TRPC4: variants seen among roughly 807,000 people sequenced by gnomAD.
TRPC4 encodes transient receptor potential cation channel subfamily C member 4.
TRPC4 carries 49 observed loss-of-function variants against 99.4 expected under a neutral mutation model. That is an observed-to-expected ratio of 0.49 (90% CI 0.39 to 0.63). TRPC4 has a LOEUF of 0.63. Among genes scored for constraint, TRPC4 ranks in the 20% least tolerant of loss-of-function variants. The pLI is 0.00. For missense variants in TRPC4, 898 were observed against 1,152.9 expected, an observed-to-expected ratio of 0.78 and a Z score of 3.20; for synonymous variants, 454 against 425.9, an observed-to-expected ratio of 1.07 and a Z score of -0.81.
chr13:37,763,452 AAGAT>A (rs1462453396), intron 2 of TRPC4, among the ~76,000 whole-genome samples: 13 of 151,522 alleles, frequency 8.6e-5, no homozygotes, highest in Admixed American at 2.6e-4. Context: ...TGTTGAAGAA[AAGAT>A]AGATAGAAAA....
chr13:37,705,079 G>T (rs1954224728), intron 3 of TRPC4, among the ~76,000 whole-genome samples: 1 of 152,164 alleles, frequency 6.6e-6, no homozygotes, highest in Non-Finnish European at 1.5e-5. Context: ...GGATAAAGAA[G>T]CTGTGGTATA....
At chr13:37,751,104 C>G (rs1350366762) in intron 2 of TRPC4, among the ~76,000 whole-genome samples, 1 of 151,978 alleles carries the variant, frequency 6.6e-6, no homozygotes, top group African/African-American at 2.4e-5. Flanking sequence ...ACCTGCTAAC[C>G]GGTTCAGGTT....
Position 37,775,822 on chromosome 13 carries a change from G to C in TRPC4, c.378+7134C>G, listed in dbSNP as rs779015732. Among the ~76,000 whole-genome samples, 181 of 151,232 alleles carry C rather than the reference G, an allele frequency of 1.2e-3. 2 individuals carry two copies. The highest frequency in any genetic ancestry group is 2.7e-3 in the South Asian group (13 of 4,798). On this transcript the variant is annotated intron_variant, in intron 2 of 10. Coordinates refer to ENST00000379705, the MANE Select transcript of TRPC4 (RefSeq NM_016179.4). ...TTATCTGATTTTTTTTTTGAGAGTG[G>C]TAAATGCCTTTCACTCCTGTGTGTT...
chr13:37,718,916 T>C (rs2139023470), intron 3 of TRPC4, among the ~76,000 whole-genome samples: 1 of 151,848 alleles, frequency 6.6e-6, no homozygotes. Flanking sequence ...ATTTACGGAA[T>C]CAAGAAGCTC....
At chr13:37,675,865 C>A (rs1037193891) in intron 4 of TRPC4, among the ~76,000 whole-genome samples, 20 of 152,122 alleles carry the variant, frequency 1.3e-4, no homozygotes, top group Non-Finnish European at 2.2e-4. Context: ...CACCAGGGAA[C>A]AATCAGCAAT....
intron 1 of TRPC4, among the ~76,000 whole-genome samples, chr13:37,828,714 A>G (rs593456): frequency 0.033 from 4,973 of 152,296 alleles, 258 homozygotes; most frequent in African/African-American, 0.11. Context: ...CCATTATCCT[A>G]AGCAAACTAA....
At chr13:37,843,140 T>G (rs970745070) in intron 1 of TRPC4, among the ~76,000 whole-genome samples, 3 of 152,226 alleles carry the variant, frequency 2.0e-5, no homozygotes, top group Admixed American at 2.0e-4. Flanking sequence ...TACTACATAC[T>G]AATTGTGTGA....
At chr13:37,676,454 T>A (rs1388737045) in intron 4 of TRPC4, among the ~76,000 whole-genome samples, 2 of 150,602 alleles carry the variant, frequency 1.3e-5, no homozygotes, top group African/African-American at 4.9e-5. Flanking sequence ...CCCACTACAA[T>A]CTCCGCCTCC....
At chr13:37,710,176 C>T (rs930997177) in intron 3 of TRPC4, among the ~76,000 whole-genome samples, 1 of 151,874 alleles carries the variant, frequency 6.6e-6, no homozygotes, top group African/African-American at 2.4e-5. Flanking sequence ...TTTAATTCTG[C>T]TGCAAATTAA....
At chr13:37,812,627 G>T (rs601958) in intron 1 of TRPC4, among the ~76,000 whole-genome samples, 1 of 151,840 alleles carries the variant, frequency 6.6e-6, no homozygotes, top group African/African-American at 2.4e-5. Context: ...TTATTAAGCT[G>T]TGGAACACAG....
intron 2 of TRPC4, among the ~76,000 whole-genome samples, chr13:37,780,670 G>T (rs1328125979): frequency 6.6e-6 from 1 of 152,038 alleles, no homozygotes; most frequent in Non-Finnish European, 1.5e-5. Flanking sequence ...CAAATAAACA[G>T]CCAGGCTCTA....
chr13:37,830,873 C>T (rs1304496400), intron 1 of TRPC4, among the ~76,000 whole-genome samples: 1 of 149,502 alleles, frequency 6.7e-6, no homozygotes, highest in Non-Finnish European at 1.5e-5. Context: ...AATGTTTTAA[C>T]TTTCTTTTAC....
chr13:37,819,273 T>C (rs1472865892), intron 1 of TRPC4, among the ~76,000 whole-genome samples: 2 of 152,058 alleles, frequency 1.3e-5, no homozygotes, highest in Non-Finnish European at 2.9e-5. Flanking sequence ...AGTGTGGCTA[T>C]TTCTCAAAGA....
chr13:37,706,951 TATA>T (rs1954301134), intron 3 of TRPC4, among the ~76,000 whole-genome samples: 1 of 152,134 alleles, frequency 6.6e-6, no homozygotes, highest in Non-Finnish European at 1.5e-5. Flanking sequence ...CTATTTAAAA[TATA>T]ATAATGATAT....
chr13:37,844,392 T>C (rs1041024112), intron 1 of TRPC4, among the ~76,000 whole-genome samples: 2 of 152,142 alleles, frequency 1.3e-5, no homozygotes, highest in Non-Finnish European at 2.9e-5. Flanking sequence ...TCTCCCAGGT[T>C]CAAGCAATTA....
chr13:37,666,051 A>G (rs1442901325), intron 5 of TRPC4, among the ~76,000 whole-genome samples: 1 of 152,112 alleles, frequency 6.6e-6, no homozygotes, highest in Non-Finnish European at 1.5e-5. Flanking sequence ...TTGAATGGGA[A>G]ACAACCATTG....
intron 2 of TRPC4, among the ~76,000 whole-genome samples, chr13:37,779,086 AC>A (rs1485338508): frequency 6.6e-6 from 1 of 152,054 alleles, no homozygotes; most frequent in Admixed American, 6.6e-5. Flanking sequence ...CTAAAGATTG[AC>A]AACCACTGAT....
At chr13:37,795,799 T>A (rs1053545258) in intron 1 of TRPC4, among the ~76,000 whole-genome samples, 1 of 152,204 alleles carries the variant, frequency 6.6e-6, no homozygotes, top group East Asian at 1.9e-4. Flanking sequence ...GTGACTCTTA[T>A]TATTTTTACC....
intron 3 of TRPC4, among the ~76,000 whole-genome samples, chr13:37,722,273 T>C (rs1954895271): frequency 6.6e-6 from 1 of 152,196 alleles, no homozygotes; most frequent in African/African-American, 2.4e-5. Context: ...TCAGCCTGGG[T>C]GTTCAATGCT....
Sources: allele counts gnomAD v4.1 joint callset (sites outside exome capture counted in the v4.1 genomes callset), GRCh38; gene constraint gnomAD v4.1.1; transcripts MANE v1.5; gene names NCBI Gene and HGNC (gene_info 2026-07-23, HGNC 2026-07-21).